Variants in DACH1 observed in about 807,000 individuals in gnomAD.
DACH1 encodes dachshund family transcription factor 1, also known as dachshund homolog 1.
A neutral mutation model predicts 54.2 loss-of-function variants in DACH1; 12 were observed. The observed-to-expected ratio is 0.22, with a 90% CI of 0.14 to 0.36. The LOEUF (loss-of-function observed/expected upper bound fraction) is 0.36. Ranked by LOEUF, DACH1 falls within the 10% of genes least tolerant of loss-of-function variation. The probability of loss-of-function intolerance (pLI) is 1.00; values close to 1 mark genes in which losing one functional copy is unlikely to be tolerated. For synonymous variants in DACH1, 386 were observed against 366.2 expected, an observed-to-expected ratio of 1.05 and a Z score of -0.62; for missense variants, 805 against 929.8, an observed-to-expected ratio of 0.87 and a Z score of 1.75.
chr13:71,524,230 A>G (rs1361490184), intron 6 of DACH1, among the ~76,000 whole-genome samples: 2 of 152,172 alleles, frequency 1.3e-5, no homozygotes, highest in South Asian at 2.1e-4. Flanking sequence ...AAGCTGTAAA[A>G]TGAAAACCAG....
chr13:71,778,124 A>G (rs1886143738), intron 1 of DACH1, among the ~76,000 whole-genome samples: 1 of 149,886 alleles, frequency 6.7e-6, no homozygotes. Context: ...ATAAATAAAT[A>G]AATAAATAAA....
At chr13:71,789,431 G>A (rs1275855241) in intron 1 of DACH1, among the ~76,000 whole-genome samples, 1 of 151,884 alleles carries the variant, frequency 6.6e-6, no homozygotes, top group African/African-American at 2.4e-5. Flanking sequence ...TGAACTGATG[G>A]GATCTGATTT....
chr13:71,709,962 C>G (rs944677927), intron 1 of DACH1, among the ~76,000 whole-genome samples: 1 of 152,142 alleles, frequency 6.6e-6, no homozygotes, highest in African/African-American at 2.4e-5. Context: ...ATCCTTCCAC[C>G]TTAACCTCCC....
At chr13:71,645,611 G>A (rs1412022711) in intron 2 of DACH1, among the ~76,000 whole-genome samples, 1 of 152,156 alleles carries the variant, frequency 6.6e-6, no homozygotes, top group Non-Finnish European at 1.5e-5. Context: ...AATAAGGAAA[G>A]ATCAAGGGAA....
chr13:71,750,006 T>C (rs1884849994), intron 1 of DACH1, among the ~76,000 whole-genome samples: 1 of 152,190 alleles, frequency 6.6e-6, no homozygotes, highest in East Asian at 1.9e-4. Flanking sequence ...CAAGCAACTA[T>C]TTATGGAAGC....
At chr13:71,622,051 G>T (rs1351075295) in intron 3 of DACH1, among the ~76,000 whole-genome samples, 1 of 149,550 alleles carries the variant, frequency 6.7e-6, no homozygotes, top group Non-Finnish European at 1.5e-5. Flanking sequence ...GCAAAACTAT[G>T]TGTGCTACAT....
intron 6 of DACH1, among the ~76,000 whole-genome samples, chr13:71,517,805 A>G (rs1881275182): frequency 6.6e-6 from 1 of 151,848 alleles, no homozygotes; most frequent in Non-Finnish European, 1.5e-5. Context: ...TCAAAAATCA[A>G]TCTCTATCAA....
intron 1 of DACH1, among the ~76,000 whole-genome samples, chr13:71,800,166 C>G (rs1269750467): frequency 6.6e-6 from 1 of 152,078 alleles, no homozygotes; most frequent in East Asian, 1.9e-4. Context: ...ACAAGACTAT[C>G]TCTAAGGTTC....
intron 2 of DACH1, among the ~76,000 whole-genome samples, chr13:71,643,270 T>G (rs1182334362): frequency 6.6e-6 from 1 of 152,186 alleles, no homozygotes; most frequent in African/African-American, 2.4e-5. Flanking sequence ...CTGGAATATG[T>G]GGCATAATGA....
At chr13:71,731,341 G>C (rs1456719407) in intron 1 of DACH1, among the ~76,000 whole-genome samples, 1 of 149,240 alleles carries the variant, frequency 6.7e-6, no homozygotes, top group East Asian at 2.0e-4. Context: ...GCCCAGGCTG[G>C]AGTGCAGTGG....
intron 1 of DACH1, among the ~76,000 whole-genome samples, chr13:71,696,104 G>T (rs1038856013): frequency 3.3e-5 from 5 of 152,050 alleles, no homozygotes; most frequent in Admixed American, 6.6e-5. Flanking sequence ...TGCCAATCTG[G>T]GCTATACTCA....
chr13:71,440,753 T>C, intron 10 of DACH1, 61 bp from the exon 11 acceptor site: 1 of 1,295,750 alleles, frequency 7.7e-7, no homozygotes, highest in South Asian at 1.3e-5. Context: ...AATGTGCATG[T>C]AAAAATGATG....
At chr13:71,602,571 A>G (rs1874574736) in intron 3 of DACH1, among the ~76,000 whole-genome samples, 1 of 152,024 alleles carries the variant, frequency 6.6e-6, no homozygotes, top group Non-Finnish European at 1.5e-5. Flanking sequence ...TTATACCATG[A>G]ACCCAGCAAC....
chr13:71,513,974 G>T (rs1303999712), intron 6 of DACH1, among the ~76,000 whole-genome samples: 1 of 151,976 alleles, frequency 6.6e-6, no homozygotes, highest in Non-Finnish European at 1.5e-5. Flanking sequence ...GCCTCAGACA[G>T]AAAAAGAGAT....
chr13:71,521,214 T>C (rs978641688), intron 6 of DACH1, among the ~76,000 whole-genome samples: 2 of 152,186 alleles, frequency 1.3e-5, no homozygotes, highest in Non-Finnish European at 1.5e-5. Flanking sequence ...ATTACACTTC[T>C]AGTATTTAGA....
intron 6 of DACH1, among the ~76,000 whole-genome samples, chr13:71,500,496 CAA>C (rs889169281): frequency 6.6e-6 from 1 of 152,096 alleles, no homozygotes; most frequent in Non-Finnish European, 1.5e-5. Context: ...GACTGATATT[CAA>C]AGTCTAATTT....
intron 3 of DACH1, among the ~76,000 whole-genome samples, chr13:71,606,442 A>G (rs1874886437): frequency 6.6e-6 from 1 of 152,074 alleles, no homozygotes; most frequent in African/African-American, 2.4e-5. Context: ...CAAGGATTTC[A>G]GAATCTAAAA....
At chr13:71,446,852 A>C (rs148311889) in intron 10 of DACH1, among the ~76,000 whole-genome samples, 2,147 of 152,362 alleles carry the variant, frequency 0.014, 15 homozygotes, top group Middle Eastern at 0.024. Context: ...GTTTCAAAGA[A>C]AATACCTTCC....
chr13:71,532,413 G>A (rs1316339522), intron 6 of DACH1, among the ~76,000 whole-genome samples: 2 of 151,844 alleles, frequency 1.3e-5, no homozygotes, highest in African/African-American at 2.4e-5. Flanking sequence ...GACACTTTTG[G>A]AAATTTACTA....
Sources: allele counts gnomAD v4.1 joint callset (sites outside exome capture counted in the v4.1 genomes callset), GRCh38; gene constraint gnomAD v4.1.1; transcripts MANE v1.5; gene names NCBI Gene and HGNC (gene_info 2026-07-23, HGNC 2026-07-21).